SLFN12: variants seen among roughly 807,000 people sequenced by gnomAD.
SLFN12 encodes the protein schlafen family member 12.
A neutral mutation model predicts 29.1 loss-of-function variants in SLFN12; 25 were observed. That is an observed-to-expected ratio of 0.86 (90% CI 0.63 to 1.20). The LOEUF (loss-of-function observed/expected upper bound fraction) is 1.20, where lower values mean the gene tolerates loss of function less well. Ranked by LOEUF, SLFN12 falls within the 50% of genes most tolerant of loss-of-function variation. The pLI is 0.00. For missense variants in SLFN12, 660 were observed against 666.2 expected, an observed-to-expected ratio of 0.99 and a Z score of 0.10; for synonymous variants, 257 against 238.7, an observed-to-expected ratio of 1.08 and a Z score of -0.71.
intron 1 of SLFN12, among the ~76,000 whole-genome samples, chr17:35,429,254 C>A (rs1912178426): frequency 6.6e-6 from 1 of 152,018 alleles, no homozygotes; most frequent in Admixed American, 6.6e-5. Context: ...AAACTTGGAA[C>A]CCATGGGAGC....
Position 35,421,989 on chromosome 17 carries a change from C to T in SLFN12, c.1039+1G>A. ...CCTGTTGCGAATCCCCCGCTCTCAACTTGGTTCAGCCTCCACCATGAACTG... is the reference window on the plus strand; with the variant it reads ...CCTGTTGCGAATCCCCCGCTCTCAATTTGGTTCAGCCTCCACCATGAACTG... On this transcript the variant is annotated splice_donor_variant, in intron 2 of 3. Transcript: ENST00000304905. LOFTEE classifies it high-confidence loss of function. The T allele has an allele frequency of 6.2e-7, 1 of 1,611,360 alleles. No individual in the cohort carries two copies. Among genetic ancestry groups the T allele is most frequent in the Non-Finnish European group, 8.5e-7 (1 of 1,177,960 alleles).
At chr17:35,423,522 C>T (rs759101784) in intron 1 of SLFN12, among the ~76,000 whole-genome samples, 9 of 151,876 alleles carry the variant, frequency 5.9e-5, no homozygotes, top group East Asian at 3.8e-4. Context: ...GAAGATTTCC[C>T]GTTAAGGTCT....
At chr17:35,412,467 A>C (rs1392838113) in intron 3 of SLFN12, among the ~76,000 whole-genome samples, 1 of 152,096 alleles carries the variant, frequency 6.6e-6, no homozygotes, top group Non-Finnish European at 1.5e-5. Context: ...TCCAGTCCCA[A>C]AAGAGTGGAG....
chr17:35,422,483 C>T lies in SLFN12; in HGVS notation c.546G>A (p.Gly182=). 2 of 1,612,220 alleles carry T rather than the reference C, an allele frequency of 1.2e-6. No homozygotes were observed. Among genetic ancestry groups the T allele is most frequent in the Non-Finnish European group, 1.7e-6 (2 of 1,179,550 alleles). Residue 182 remains glycine (G), a synonymous_variant, in exon 2 of 4, where the codon GGG becomes GGA. Transcript: ENST00000304905. Reference sequence around the variant, plus strand: ...CAAGTTCTGTTCTATCAAAAAAAACCCCGGCCAAGGCCTTCATGTTATTTT... The same window carrying T: ...CAAGTTCTGTTCTATCAAAAAAAACTCCGGCCAAGGCCTTCATGTTATTTT... ...QEENNMKALA[G]VFFDRTELDR...
intron 3 of SLFN12, among the ~76,000 whole-genome samples, chr17:35,414,732 G>T (rs1439533991): frequency 6.6e-6 from 1 of 151,978 alleles, no homozygotes; most frequent in Non-Finnish European, 1.5e-5. Flanking sequence ...TGACCAAGCT[G>T]AGAATCAAAT....
At chr17:35,412,579 C>G (rs1470560321) in intron 3 of SLFN12, among the ~76,000 whole-genome samples, 1 of 152,082 alleles carries the variant, frequency 6.6e-6, no homozygotes, top group Admixed American at 6.5e-5. Context: ...GATAAAAAAA[C>G]TTCAAAAGAA....
intron 3 of SLFN12, among the ~76,000 whole-genome samples, chr17:35,414,467 A>C (rs1044175954): frequency 3.9e-5 from 6 of 152,110 alleles, no homozygotes; most frequent in Admixed American, 1.3e-4. Context: ...AAAAGACACA[A>C]ATAAATGGAA....
At chr17:35,428,439 G>T (rs1024372076) in intron 1 of SLFN12, among the ~76,000 whole-genome samples, 4 of 152,030 alleles carry the variant, frequency 2.6e-5, no homozygotes, top group African/African-American at 7.2e-5. Context: ...GCATCTTAGT[G>T]GGGATTACAG....
chr17:35,422,386 A>T lies in SLFN12; in HGVS notation c.643T>A (p.Leu215Ile). The T allele has an allele frequency of 6.2e-7, 1 of 1,613,984 alleles. No individual in the cohort carries two copies. Among genetic ancestry groups the T allele is most frequent in the South Asian group, 1.1e-5 (1 of 90,990 alleles). Residue 215 changes from leucine (L) to isoleucine (I), a missense_variant, in exon 2 of 4, where the codon TTA (leucine) becomes ATA (isoleucine). Leu to Ile is a conservative substitution (Grantham distance 5). Coordinates refer to ENST00000304905, the MANE Select transcript of SLFN12 (RefSeq NM_018042.5). Reference sequence around the variant, plus strand: ...GGGAGAATCTCTTTAATTCGTTGTAACAACTTTTCTGTCGAGAAGTTTTTA... The same window carrying T: ...GGGAGAATCTCTTTAATTCGTTGTATCAACTTTTCTGTCGAGAAGTTTTTA... Reference protein sequence around the residue: ...EIKNFSTEKLLQRIKEILPQY... With the variant: ...EIKNFSTEKLIQRIKEILPQY...
Position 35,422,504 on chromosome 17 carries a change from A to AT in SLFN12, c.524dup (p.Asn175LysfsTer2). 6.2e-7 allele frequency: 1 copy of AT among 1,613,482 alleles called. No homozygotes were observed. Among genetic ancestry groups the AT allele is most frequent in the Non-Finnish European group, 8.5e-7 (1 of 1,179,852 alleles). ...AAACCCCGGCCAAGGCCTTCATGTT[A>AT]TTTTCTTCTTGTATATCAACACAGG... On this transcript the variant is annotated frameshift_variant, in exon 2 of 4. Transcript: ENST00000304905. LOFTEE classifies it high-confidence loss of function.
At chr17:35,413,029 G>GA (rs1428866320) in intron 3 of SLFN12, among the ~76,000 whole-genome samples, 1 of 149,696 alleles carries the variant, frequency 6.7e-6, no homozygotes, top group Non-Finnish European at 1.5e-5. Flanking sequence ...TAGTCAATAG[G>GA]AAGACAGGAT....
At chr17:35,426,163 T>C (rs1231129539) in intron 1 of SLFN12, among the ~76,000 whole-genome samples, 1 of 151,882 alleles carries the variant, frequency 6.6e-6, no homozygotes, top group Non-Finnish European at 1.5e-5. Flanking sequence ...ACTATTGAGT[T>C]GTTTGGGTTT....
intron 3 of SLFN12, among the ~76,000 whole-genome samples, chr17:35,418,595 CT>C (rs1189381191): frequency 1.4e-4 from 22 of 152,052 alleles, no homozygotes; most frequent in African/African-American, 4.8e-4. Context: ...TGTTAATTGA[CT>C]ACGTTATTGG....
intron 2 of SLFN12, among the ~76,000 whole-genome samples, chr17:35,421,603 A>T (rs904222554): frequency 2.9e-5 from 4 of 138,108 alleles, no homozygotes; most frequent in African/African-American, 8.5e-5. Context: ...GCAGTGGCGC[A>T]ATCTCCGCCC....
chr17:35,418,565 TA>T (rs1911446318), intron 3 of SLFN12, among the ~76,000 whole-genome samples: 1 of 146,130 alleles, frequency 6.8e-6, no homozygotes, highest in Non-Finnish European at 1.5e-5. Context: ...GAATATAGTA[TA>T]TGATACACAC....
Position 35,423,010 on chromosome 17 carries a change from A to G in SLFN12, c.19T>C (p.Leu7=), listed in dbSNP as rs192511811. MNISVD[L]ETNYAELVLD... Reference sequence around the variant, plus strand: ...ACCAACTCGGCATAATTCGTTTCCAAATCAACACTGATGTTCATTTTCCCA... The same window carrying G: ...ACCAACTCGGCATAATTCGTTTCCAGATCAACACTGATGTTCATTTTCCCA... The change falls in exon 2 of 4, where the codon TTG becomes CTG. Residue 7 remains leucine (L), a synonymous_variant. Coordinates refer to ENST00000304905, the MANE Select transcript of SLFN12 (RefSeq NM_018042.5). 7 of 1,611,368 alleles carry G rather than the reference A, an allele frequency of 4.3e-6. No homozygotes were observed. The highest frequency in any genetic ancestry group is 5.9e-6 in the Non-Finnish European group (7 of 1,178,672).
intron 2 of SLFN12, among the ~76,000 whole-genome samples, chr17:35,421,494 T>A (rs986274713): frequency 2.0e-5 from 3 of 151,018 alleles, no homozygotes; most frequent in Non-Finnish European, 4.4e-5. Context: ...GAAATATCTA[T>A]CTTCTTCTAA....
intron 3 of SLFN12, among the ~76,000 whole-genome samples, chr17:35,414,589 A>G (rs1911213631): frequency 6.6e-6 from 1 of 152,074 alleles, no homozygotes; most frequent in African/African-American, 2.4e-5. Context: ...GTCATTTTTC[A>G]CAGAAAAATG....
At chr17:35,427,639 A>C (rs116685163) in intron 1 of SLFN12, among the ~76,000 whole-genome samples, 1 of 152,178 alleles carries the variant, frequency 6.6e-6, no homozygotes, top group African/African-American at 2.4e-5. Flanking sequence ...GTATCAATAT[A>C]GTATATACAA....
Sources: allele counts gnomAD v4.1 joint callset (sites outside exome capture counted in the v4.1 genomes callset), GRCh38; gene constraint gnomAD v4.1.1; transcripts MANE v1.5; gene names NCBI Gene and HGNC (gene_info 2026-07-23, HGNC 2026-07-21).